Variants in GLYCTK observed in about 807,000 individuals in gnomAD.
The protein encoded by GLYCTK is HBeAg binding protein 4.
In GLYCTK, 22 loss-of-function variants were observed where a neutral mutation model predicts 24.8. The observed-to-expected ratio is 0.89, with a 90% CI of 0.63 to 1.27. The LOEUF is 1.27. Among genes scored for constraint, GLYCTK ranks in the 50% most tolerant of loss-of-function variants. The pLI is 0.00. For synonymous variants in GLYCTK, 320 were observed against 297.2 expected (o/e 1.08, Z -0.79); for missense variants, 684 against 686.7 (o/e 1.00, Z 0.04).
Position 52,293,682 on chromosome 3 carries a change from C to T in GLYCTK, c.*556C>T, listed in dbSNP as rs1700559084. On this transcript the variant is annotated 3_prime_UTR_variant, in exon 5 of 5. Coordinates refer to ENST00000436784, the MANE Select transcript of GLYCTK (RefSeq NM_145262.4). ...GAGGGTTGAGCTTGGCTCCTGACAG[C>T]TTTGATGTGCGTGAGCAGAGACCCC... The T allele has an allele frequency of 1.8e-5, 8 of 454,110 alleles. No individual in the cohort carries two copies. Among genetic ancestry groups the T allele is most frequent in the Non-Finnish European group, 3.5e-5 (8 of 226,862 alleles). 28.1% of individuals were successfully genotyped at this position (454,110 alleles called of 1,614,324 possible).
At position 52,292,899 on chromosome 3, in the gene GLYCTK, GGTGGCACCGAT is replaced by G; in HGVS notation, c.1347_1357del (p.Gly450AlafsTer15). 1 of 1,614,078 alleles carries G rather than the reference GGTGGCACCGAT, an allele frequency of 6.2e-7. No individual in the cohort carries two copies. ...GCCGATAGATGTGCTGTTTTTGAGCGGTGGCACCGATGGGCAGGATGGGCCCACAGAGGCTG... is the reference window on the plus strand; with the variant it reads ...GCCGATAGATGTGCTGTTTTTGAGCGGGGCAGGATGGGCCCACAGAGGCTG... On this transcript the variant is annotated frameshift_variant, in exon 5 of 5. Coordinates refer to ENST00000436784, the MANE Select transcript of GLYCTK (RefSeq NM_145262.4). LOFTEE classifies it high-confidence loss of function.
chr3:52,293,602 C>T lies in GLYCTK; in HGVS notation c.*476C>T, dbSNP rs748895765. ...TAACACCCCTCTACTGGGCTGGGTA[C>T]GTGCAGGATGTGCCTCGCATAACGG... On this transcript the variant is annotated 3_prime_UTR_variant, in exon 5 of 5. Transcript: ENST00000436784. The T allele has an allele frequency of 1.3e-5, 6 of 455,796 alleles. No individual in the cohort carries two copies. The highest frequency in any genetic ancestry group is 2.2e-5 in the Non-Finnish European group (5 of 228,108). 28.2% of individuals were successfully genotyped at this position (455,796 alleles called of 1,614,324 possible).
intron 1 of GLYCTK, chr3:52,289,025 A>G (rs370656357): frequency 3.0e-4 from 46 of 152,370 alleles, no homozygotes; most frequent in African/African-American, 1.1e-3. Flanking sequence ...TGCAGTGGAC[A>G]GTATCAGAGA....
In GLYCTK at chr3:52,290,240, G is replaced by A; in HGVS notation, c.-39-64G>A. The A allele has an allele frequency of 2.9e-6, 4 of 1,387,158 alleles. No individual in the cohort carries two copies. In the South Asian group the frequency reaches 4.1e-5, roughly 14 times the overall value. The allele number at this position is 1,387,158 out of a possible 1,614,324, so 85.9% of individuals were successfully genotyped here. Reference sequence around the variant, plus strand: ...CCACTGGCCCTGAGCCCTCAGAGGGGCGGCCGTGGGGGACCTCCTGTCTTT... The same window carrying A: ...CCACTGGCCCTGAGCCCTCAGAGGGACGGCCGTGGGGGACCTCCTGTCTTT... On this transcript the variant is annotated intron_variant, in intron 1 of 4. Transcript: ENST00000436784.
In GLYCTK at chr3:52,295,193, T is replaced by C. The variant is rs1578036140; in HGVS notation, c.*2067T>C. On this transcript the variant is annotated 3_prime_UTR_variant, in exon 5 of 5. Transcript: ENST00000436784. The stretch of plus-strand genomic sequence containing the variant: ...TCTAAATGCTGAGATGAGAAAACCC[T>C]GCACAGTGAATGTTTTGATAGGATT... 1 of 453,776 alleles carries C rather than the reference T, an allele frequency of 2.2e-6. No homozygotes were observed. Among genetic ancestry groups the C allele is most frequent in the East Asian group, 6.9e-5 (1 of 14,402 alleles). The allele number at this position is 453,776 out of a possible 1,614,324, so 28.1% of individuals were successfully genotyped here. A position where few individuals can be genotyped will look rare whatever the true frequency, so the allele number is the denominator to read the frequency against.
chr3:52,291,537 C>T (rs577841098), intron 3 of GLYCTK: 20 of 597,384 alleles, frequency 3.3e-5, no homozygotes, highest in Admixed American at 2.7e-4. Flanking sequence ...TTAGTTCTTC[C>T]GGTGCCTACT....
Position 52,292,456 on chromosome 3 carries a change from G to A in GLYCTK, c.902G>A (p.Cys301Tyr), listed in dbSNP as rs571266109. ...ADSDPHGPHT[C>Y]GHVLNVIIGS... ...TCTGACCCCCATGGGCCACACACCT[G>A]TGGCCATGTCCTGAATGTGATCATT... The change falls in exon 5 of 5, where the codon TGT becomes TAT. Residue 301 changes from cysteine (C) to tyrosine (Y), a missense_variant. Physicochemically the swap from Cys to Tyr is radical, Grantham distance 194 (BLOSUM62 -2). Transcript: ENST00000436784. The A allele has an allele frequency of 8.7e-6, 14 of 1,613,070 alleles. No individual in the cohort carries two copies. Among genetic ancestry groups the A allele is most frequent in the African/African-American group, 2.7e-5 (2 of 75,070 alleles).
chr3:52,293,247 C>A lies in GLYCTK; in HGVS notation c.*121C>A, dbSNP rs1170282616. 1 of 1,024,274 alleles carries A rather than the reference C, an allele frequency of 9.8e-7. No homozygotes were observed. Among genetic ancestry groups the A allele is most frequent in the Admixed American group, 2.0e-5 (1 of 51,184 alleles). 63.4% of individuals were successfully genotyped at this position (1,024,274 alleles called of 1,614,324 possible). ...GGGCCCCTCCTCTCCTTGGCCTTGG[C>A]TGTTTGGTTAACTGTCACCTTCCAC... On this transcript the variant is annotated 3_prime_UTR_variant, in exon 5 of 5. Coordinates refer to ENST00000436784, the MANE Select transcript of GLYCTK (RefSeq NM_145262.4).
At chr3:52,290,924 A>G in intron 2 of GLYCTK, 36 bp from the exon 3 acceptor site, 5 of 1,612,924 alleles carry the variant, frequency 3.1e-6, no homozygotes, top group Non-Finnish European at 4.2e-6. Context: ...AGAGGAGTCC[A>G]CCCCATCTCT....
chr3:52,290,644 T>G lies in GLYCTK; in HGVS notation c.302T>G (p.Leu101Arg). 6.2e-7 allele frequency: 1 copy of G among 1,613,688 alleles called. No individual in the cohort carries two copies. The highest frequency in any genetic ancestry group is 8.5e-7 in the Non-Finnish European group (1 of 1,180,026). Residue 101 changes from leucine (L) to arginine (R), a missense_variant, in exon 2 of 5, where the codon CTG becomes CGG. By Grantham distance (102) the Leu-to-Arg change is moderately radical. Transcript: ENST00000436784. ...LGMAAAAEEL[L>R]GQHLVQGVIS... The stretch of plus-strand genomic sequence containing the variant: ...ATGGCAGCTGCAGCTGAGGAACTAC[T>G]GGGCCAGCATCTTGTGCAGGGCGTG...
At position 52,292,326 on chromosome 3, in the gene GLYCTK, G is replaced by A. The variant is rs961149731; in HGVS notation, c.772G>A (p.Val258Met). The A allele has an allele frequency of 1.4e-5, 22 of 1,613,840 alleles. No homozygotes were observed. The highest frequency in any genetic ancestry group is 2.2e-5 in the South Asian group (2 of 91,082). Residue 258 changes from valine to methionine, a missense_variant, in exon 5 of 5, where the codon GTG becomes ATG. Physicochemically the swap from Val to Met is conservative, Grantham distance 21. Coordinates refer to ENST00000436784, the MANE Select transcript of GLYCTK (RefSeq NM_145262.4). Reference sequence around the variant, plus strand: ...GGAGGTGATTGCCAGTGGCCCCACCGTGGCCAGTTCCCACAATGTGCAAGA... The same window carrying A: ...GGAGGTGATTGCCAGTGGCCCCACCATGGCCAGTTCCCACAATGTGCAAGA... ...PVEVIASGPT[V>M]ASSHNVQDCL... is the part of the protein sequence containing the mutation.
chr3:52,294,954 TC>T lies in GLYCTK; in HGVS notation c.*1831del, dbSNP rs1343160740. The T allele has an allele frequency of 6.6e-6, 3 of 453,958 alleles. No homozygotes were observed. The highest frequency in any genetic ancestry group is 1.3e-5 in the Non-Finnish European group (3 of 226,794). 28.1% of individuals were successfully genotyped at this position (453,958 alleles called of 1,614,324 possible). A position where few individuals can be genotyped will look rare whatever the true frequency, so the allele number is the denominator to read the frequency against. On this transcript the variant is annotated 3_prime_UTR_variant, in exon 5 of 5. Coordinates refer to ENST00000436784, the MANE Select transcript of GLYCTK (RefSeq NM_145262.4). ...AGATACTTAGTACAGGGCACATGAC[TC>T]CCTGCATCCCTGCTGAGGGCTTTGG...
rs779725120 is a variant in GLYCTK, at chr3:52,292,446, C to CCA, written c.898_899dup (p.Cys301ProfsTer6). 6.2e-7 allele frequency: 1 copy of CCA among 1,612,954 alleles called. No homozygotes were observed. Among genetic ancestry groups the CCA allele is most frequent in the South Asian group, 1.1e-5 (1 of 91,046 alleles). On this transcript the variant is annotated frameshift_variant, in exon 5 of 5. Transcript: ENST00000436784. LOFTEE classifies it low-confidence loss of function (END_TRUNC). ...TCGGGCCGACTCTGACCCCCATGGG[C>CCA]CACACACCTGTGGCCATGTCCTGAA...
chr3:52,293,322 G>T lies in GLYCTK; in HGVS notation c.*196G>T. ...TCCCTTCCAGCCAGACTGGCAGATG[G>T]GGGCTTCCCCCTACCCCTGAGGATG... On this transcript the variant is annotated 3_prime_UTR_variant, in exon 5 of 5. Coordinates refer to ENST00000436784, the MANE Select transcript of GLYCTK (RefSeq NM_145262.4). 1.4e-6 allele frequency: 1 copy of T among 718,358 alleles called. No individual in the cohort carries two copies. The highest frequency in any genetic ancestry group is 2.5e-6 in the Non-Finnish European group (1 of 400,730). 44.5% of individuals were successfully genotyped at this position (718,358 alleles called of 1,614,324 possible).
At chr3:52,291,691 C>A in intron 3 of GLYCTK, 56 bp from the exon 4 acceptor site, 1 of 1,560,238 alleles carries the variant, frequency 6.4e-7, no homozygotes, top group Non-Finnish European at 8.8e-7. Flanking sequence ...CCCCTGCTTG[C>A]CTGGTTCCCT....
At chr3:52,289,859 C>A (rs962109292) in intron 1 of GLYCTK, among the ~76,000 whole-genome samples, 1 of 152,296 alleles carries the variant, frequency 6.6e-6, no homozygotes, top group African/African-American at 2.4e-5. Context: ...TTCCTGGCAG[C>A]AGAGGTGGTA....
chr3:52,295,131 A>G lies in GLYCTK; in HGVS notation c.*2005A>G. The G allele has an allele frequency of 2.2e-6, 1 of 454,128 alleles. No homozygotes were observed. The highest frequency in any genetic ancestry group is 2.0e-5 in the African/African-American group (1 of 50,126). 28.1% of individuals were successfully genotyped at this position (454,128 alleles called of 1,614,324 possible). A position where few individuals can be genotyped will look rare whatever the true frequency, so the allele number is the denominator to read the frequency against. The stretch of plus-strand genomic sequence containing the variant: ...CTAACCCGTTAGATTTGCTCACTGG[A>G]TACCCCAGAGATAAGAAAGGATGTA... On this transcript the variant is annotated 3_prime_UTR_variant, in exon 5 of 5. Transcript: ENST00000436784.
chr3:52,291,634 C>A, intron 3 of GLYCTK, 113 bp from the exon 4 acceptor site: 5 of 1,036,312 alleles, frequency 4.8e-6, no homozygotes, highest in Non-Finnish European at 7.3e-6. Context: ...CAGGGGGGCA[C>A]CCTAACCCCA....
At position 52,292,807 on chromosome 3, in the gene GLYCTK, G is replaced by T. The variant is rs777350645; in HGVS notation, c.1253G>T (p.Gly418Val). 6.0e-5 allele frequency: 96 copies of T among 1,612,068 alleles called. No individual in the cohort carries two copies. Among genetic ancestry groups the T allele is most frequent in the Middle Eastern group, 1.6e-4 (1 of 6,076 alleles). The change falls in exon 5 of 5, where the codon GGC becomes GTC. Residue 418 changes from glycine to valine, a missense_variant. Transcript: ENST00000436784. The part of the protein sequence containing the change: ...GEPTVQLQGS[G>V]RGGRNQELAL... ...CCCACAGTACAGCTGCAGGGCTCGGGCAGGGGTGGCCGGAACCAGGAACTG... is the reference window on the plus strand; with the variant it reads ...CCCACAGTACAGCTGCAGGGCTCGGTCAGGGGTGGCCGGAACCAGGAACTG...
Sources: gnomAD v4.1 joint callset for allele counts (sites outside exome capture counted in the v4.1 genomes callset) on GRCh38, gnomAD v4.1.1 for gene constraint, MANE v1.5 for transcripts, NCBI Gene and HGNC (gene_info 2026-07-23, HGNC 2026-07-21) for gene names.